The following SHOC1 variants were observed in gnomAD, a reference collection of about 807,000 sequenced individuals.
The protein encoded by SHOC1 is shortage in chiasmata 1, also known as protein shortage in chiasmata 1 ortholog.
In SHOC1, 136 loss-of-function variants were observed where a neutral mutation model predicts 179.2. The ratio of observed to expected loss-of-function variants is 0.76; its 90% CI spans 0.66 to 0.87. The LOEUF (loss-of-function observed/expected upper bound fraction) is 0.87. Ranked by LOEUF, SHOC1 falls within the 40% of genes least tolerant of loss-of-function variation. SHOC1 has a pLI of 0.00. For missense variants in SHOC1, 1,538 were observed against 1,700.8 expected, an observed-to-expected ratio of 0.90 and a Z score of 1.68; for synonymous variants, 489 against 586.6, an observed-to-expected ratio of 0.83 and a Z score of 2.41.
intron 24 of SHOC1, among the ~76,000 whole-genome samples, chr9:111,697,369 G>A (rs1831748205): frequency 1.3e-5 from 2 of 152,100 alleles, no homozygotes; most frequent in South Asian, 4.1e-4. Context: ...AGGCCCCGGT[G>A]TGTGATGTTC....
chr9:111,784,295 T>C (rs1038295500), intron 3 of SHOC1, among the ~76,000 whole-genome samples: 1 of 152,230 alleles, frequency 6.6e-6, no homozygotes, highest in Non-Finnish European at 1.5e-5. Context: ...GAAATGGCAC[T>C]GTCATCTACC....
At chr9:111,705,414 G>C in intron 20 of SHOC1, 50 bp from the exon 21 acceptor site, 1 of 828,354 alleles carries the variant, frequency 1.2e-6, no homozygotes, top group Admixed American at 3.3e-5. Context: ...TCATCTCCCA[G>C]CTCTTTCTCT....
chr9:111,755,225 C>A (rs1834803147), intron 8 of SHOC1, among the ~76,000 whole-genome samples: 1 of 152,162 alleles, frequency 6.6e-6, no homozygotes, highest in African/African-American at 2.4e-5. Flanking sequence ...GATTTGTGTC[C>A]TGCCAATAAG....
intron 10 of SHOC1, among the ~76,000 whole-genome samples, chr9:111,743,596 G>A (rs535345464): frequency 6.6e-6 from 1 of 152,212 alleles, no homozygotes; most frequent in South Asian, 2.1e-4. Context: ...ATTTAATAAT[G>A]ACTCCAAAGC....
chr9:111,706,236 T>C (rs747654463), intron 20 of SHOC1, among the ~76,000 whole-genome samples: 7 of 152,108 alleles, frequency 4.6e-5, no homozygotes, highest in Non-Finnish European at 1.0e-4. Context: ...ATTACACAAC[T>C]GTCCCCTAAA....
At chr9:111,750,894 C>T (rs534937083) in intron 8 of SHOC1, among the ~76,000 whole-genome samples, 9 of 151,990 alleles carry the variant, frequency 5.9e-5, no homozygotes, top group African/African-American at 1.7e-4. Flanking sequence ...TTGCTTTTGG[C>T]GTTTTCGTCA....
At chr9:111,744,885 A>C (rs1431533142) in intron 10 of SHOC1, among the ~76,000 whole-genome samples, 2 of 152,260 alleles carry the variant, frequency 1.3e-5, no homozygotes, top group East Asian at 1.9e-4. Context: ...AAGCTATCTC[A>C]GACTCTATCA....
At chr9:111,732,240 C>A (rs1484521068) in intron 12 of SHOC1, among the ~76,000 whole-genome samples, 1 of 152,042 alleles carries the variant, frequency 6.6e-6, no homozygotes, top group East Asian at 1.9e-4. Flanking sequence ...TAAAAGTAAA[C>A]ATACACATAA....
chr9:111,740,351 G>C (rs10125525), intron 11 of SHOC1, among the ~76,000 whole-genome samples: 8,598 of 152,160 alleles, frequency 0.057, 622 homozygotes, highest in African/African-American at 0.17. Flanking sequence ...GTGCTTACTT[G>C]CTTCCCAGGA....
At chr9:111,710,110 T>A (rs372102875) in intron 18 of SHOC1, among the ~76,000 whole-genome samples, 69 of 152,344 alleles carry the variant, frequency 4.5e-4, no homozygotes, top group Non-Finnish European at 7.9e-4. Flanking sequence ...TTTAAAAAAA[T>A]GTTTCCAATT....
chr9:111,716,678 A>T (rs1832808811), intron 16 of SHOC1, among the ~76,000 whole-genome samples: 1 of 152,248 alleles, frequency 6.6e-6, no homozygotes, highest in Non-Finnish European at 1.5e-5. Flanking sequence ...GGCGTGAGCC[A>T]TGGCACCCAG....
At chr9:111,696,253 A>C (rs572220957) in intron 24 of SHOC1, among the ~76,000 whole-genome samples, 1 of 152,204 alleles carries the variant, frequency 6.6e-6, no homozygotes, top group Non-Finnish European at 1.5e-5. Flanking sequence ...TAAACTTCCT[A>C]ATACTTCCTT....
At chr9:111,700,173 G>T in intron 23 of SHOC1, 126 bp from the exon 24 acceptor site, 1 of 496,564 alleles carries the variant, frequency 2.0e-6, no homozygotes, top group Middle Eastern at 5.5e-4. Context: ...TACTAGTGTG[G>T]CAAATTTGTG....
At chr9:111,786,879 C>G (rs759977526) in intron 2 of SHOC1, among the ~76,000 whole-genome samples, 1 of 152,194 alleles carries the variant, frequency 6.6e-6, no homozygotes, top group African/African-American at 2.4e-5. Flanking sequence ...GACAAGCTGA[C>G]TCTCTTGCTA....
intron 19 of SHOC1, among the ~76,000 whole-genome samples, chr9:111,707,277 T>C (rs1564113743): frequency 1.3e-5 from 2 of 152,080 alleles, no homozygotes; most frequent in South Asian, 4.1e-4. Flanking sequence ...CCTACTATAA[T>C]TAAAATTCTC....
At chr9:111,693,225 G>T (rs868010726) in intron 26 of SHOC1, among the ~76,000 whole-genome samples, 19 of 151,948 alleles carry the variant, frequency 1.3e-4, no homozygotes, top group Non-Finnish European at 7.4e-5. Context: ...AGAATTGCTT[G>T]AACCCAGGAG....
chr9:111,759,677 G>A (rs1478377098), intron 5 of SHOC1: 2 of 568,866 alleles, frequency 3.5e-6, no homozygotes, highest in Non-Finnish European at 4.5e-6. Flanking sequence ...AAAAAAGAAA[G>A]CCATCCTGAA....
intron 15 of SHOC1, among the ~76,000 whole-genome samples, chr9:111,720,287 TTGTC>T (rs1457171771): frequency 5.3e-5 from 8 of 152,234 alleles, no homozygotes; most frequent in African/African-American, 1.9e-4. Flanking sequence ...ATGTTACTCA[TTGTC>T]TTTGCATTTA....
chr9:111,764,592 A>G (rs1835273265), intron 5 of SHOC1, among the ~76,000 whole-genome samples: 1 of 152,218 alleles, frequency 6.6e-6, no homozygotes, highest in Admixed American at 6.5e-5. Flanking sequence ...GACCATAGGA[A>G]GTATGGGGGG....
Sources: gnomAD v4.1 joint callset for allele counts (sites outside exome capture counted in the v4.1 genomes callset) on GRCh38, gnomAD v4.1.1 for gene constraint, MANE v1.5 for transcripts, NCBI Gene and HGNC (gene_info 2026-07-23, HGNC 2026-07-21) for gene names.